IDE: variants seen among roughly 807,000 people sequenced by gnomAD.
The protein encoded by IDE is insulin-degrading enzyme.
IDE carries 58 observed loss-of-function variants against 133.2 expected under a neutral mutation model. The ratio of observed to expected loss-of-function variants is 0.44; its 90% confidence interval spans 0.35 to 0.54. The LOEUF is 0.54. Ranked by LOEUF, IDE falls within the 20% of genes least tolerant of loss-of-function variation. The pLI is 0.00. For missense variants in IDE, 981 were observed against 1,234.0 expected (o/e 0.79, Z 3.07); for synonymous variants, 396 against 421.3 (o/e 0.94, Z 0.73).
intron 21 of IDE, 106 bp downstream of exon 21, chr10:92,463,625 A>T (rs1286671659): frequency 1.9e-6 from 2 of 1,051,812 alleles, no homozygotes; most frequent in African/African-American, 1.6e-5. Flanking sequence ...CAACTCCCCA[A>T]ATAGGTAACG....
intron 11 of IDE, among the ~76,000 whole-genome samples, chr10:92,492,209 G>A (rs1055365147): frequency 6.6e-5 from 10 of 151,290 alleles, no homozygotes; most frequent in African/African-American, 2.2e-4. Context: ...GCAGTGAGCC[G>A]AGACTGCACC....
chr10:92,573,100 G>A (rs1843868228), intron 1 of IDE: 2 of 985,424 alleles, frequency 2.0e-6, no homozygotes, highest in Non-Finnish European at 2.4e-6. Flanking sequence ...AGATAATACT[G>A]CCTATCTTCT....
At chr10:92,506,854 A>G (rs1374482432) in intron 9 of IDE, among the ~76,000 whole-genome samples, 1 of 152,182 alleles carries the variant, frequency 6.6e-6, no homozygotes, top group Admixed American at 6.5e-5. Flanking sequence ...TGTGTGAAAG[A>G]ACCTTGTGAG....
At chr10:92,478,695 G>GT (rs1564608288) in intron 15 of IDE, 1 of 1,278,362 alleles carries the variant, frequency 7.8e-7, no homozygotes, top group South Asian at 1.3e-5. Context: ...CCTGAGAGGC[G>GT]TGCTGCATAT....
intron 1 of IDE, among the ~76,000 whole-genome samples, chr10:92,561,099 A>G (rs1161832171): frequency 2.0e-5 from 3 of 151,838 alleles, no homozygotes; most frequent in African/African-American, 7.2e-5. Flanking sequence ...TACTAAAAAA[A>G]TACAAACATT....
At chr10:92,569,378 GTGA>G (rs373110991) in intron 1 of IDE, among the ~76,000 whole-genome samples, 1 of 152,228 alleles carries the variant, frequency 6.6e-6, no homozygotes, top group African/African-American at 2.4e-5. Flanking sequence ...TTAATCTGAT[GTGA>G]TGATAAGAAT....
rs1848363475 is a variant in IDE, at chr10:92,507,585, T to A, written c.1235A>T (p.Gln412Leu). 1 of 1,595,454 alleles carries A rather than the reference T, an allele frequency of 6.3e-7. No homozygotes were observed. Among genetic ancestry groups the A allele is most frequent in the Non-Finnish European group, 8.6e-7 (1 of 1,163,066 alleles). ...RAEGPQEWVF[Q>L]ECKDLNAVAF... The stretch of plus-strand genomic sequence containing the variant: ...GTGAAACAAAAGTACCTTGCACTCT[T>A]GGAAAACCCATTCTTGAGGTCCTTC... The change falls in exon 9 of 25, where the codon CAA becomes CTA. Residue 412 changes from glutamine (Q) to leucine (L), a missense_variant. This residue lies in a region of IDE where 660 missense variants were observed against 894.7 expected (regional missense o/e 0.74). Transcript: ENST00000265986.
chr10:92,460,515 G>A (rs2135321519), intron 22 of IDE, among the ~76,000 whole-genome samples: 1 of 152,156 alleles, frequency 6.6e-6, no homozygotes, highest in Non-Finnish European at 1.5e-5. Flanking sequence ...TTAGAGCATG[G>A]GTCAATCTTT....
chr10:92,559,825 C>T (rs1048486049), intron 1 of IDE, among the ~76,000 whole-genome samples: 1 of 149,346 alleles, frequency 6.7e-6, no homozygotes, highest in Admixed American at 6.8e-5. Context: ...GCAGCTTTGA[C>T]TTCCCCGGCT....
chr10:92,509,921 C>CA (rs11324773), intron 6 of IDE, 129 bp downstream of exon 6: 91,848 of 333,558 alleles, frequency 0.28, 5,506 homozygotes, highest in East Asian at 0.37. Flanking sequence ...ACTCTGTTTC[C>CA]AAAAAAAAAA....
intron 9 of IDE, among the ~76,000 whole-genome samples, 167 bp from the exon 10 acceptor site, chr10:92,506,689 T>A (rs1016526480): frequency 2.6e-5 from 4 of 152,162 alleles, no homozygotes; most frequent in South Asian, 2.1e-4. Flanking sequence ...TAGAATATTT[T>A]AAAAATTTCT....
At chr10:92,510,712 T>C (rs1161099173) in intron 5 of IDE, among the ~76,000 whole-genome samples, 1 of 151,574 alleles carries the variant, frequency 6.6e-6, no homozygotes, top group African/African-American at 2.4e-5. Context: ...ATATATGATA[T>C]ATATCACATA....
intron 1 of IDE, among the ~76,000 whole-genome samples, chr10:92,551,874 G>T (rs149929653): frequency 5.5e-4 from 84 of 152,228 alleles, no homozygotes; most frequent in African/African-American, 2.0e-3. Flanking sequence ...AGTGGCTCAT[G>T]CTTGTTACCC....
At chr10:92,501,695 C>G (rs936453533) in intron 11 of IDE, among the ~76,000 whole-genome samples, 8 of 144,888 alleles carry the variant, frequency 5.5e-5, no homozygotes, top group Non-Finnish European at 1.2e-4. Context: ...AGAAAAAAGG[C>G]CGGGAACGGT....
chr10:92,465,701 G>A lies in IDE; in HGVS notation c.2463C>T (p.Asn821=), dbSNP rs777512890. 6.2e-7 allele frequency: 1 copy of A among 1,613,878 alleles called. No individual in the cohort carries two copies. The highest frequency in any genetic ancestry group is 2.2e-5 in the East Asian group (1 of 44,872). The change falls in exon 20 of 25, where the codon AAC becomes AAT. Residue 821 remains asparagine (N), a synonymous_variant. Transcript: ENST00000265986. ...FCQIISEPCF[N]TLRTKEQLGY... ...CCAACTGCTCCTTGGTGCGCAGGGT[G>A]TTGAAGCAAGGTTCCGAGATAATCT... is the stretch of plus-strand genomic sequence containing the variant.
rs1215163100 is a variant in IDE at position 92,453,944 on chromosome 10, G to A, written c.*500C>T. 2.0e-5 allele frequency: 3 copies of A among 152,308 alleles called. No homozygotes were observed. The allele number at this position is 152,308 out of a possible 1,614,324, so 9.4% of individuals were successfully genotyped here. ...CATTTCACTAATAAAAGATGACATT[G>A]CTTTATCATCTGCCAAATGTAATGT... On this transcript the variant is annotated 3_prime_UTR_variant, in exon 25 of 25. Transcript: ENST00000265986.
At chr10:92,503,718 A>AC (rs1848148754) in intron 11 of IDE, among the ~76,000 whole-genome samples, 1 of 150,000 alleles carries the variant, frequency 6.7e-6, no homozygotes, top group Admixed American at 6.6e-5. Context: ...TGTCAAAAAG[A>AC]CTTTTTTTTT....
At chr10:92,454,578 A>G (rs549995805) in intron 24 of IDE, 39 bp from the exon 25 acceptor site, 9 of 1,436,820 alleles carry the variant, frequency 6.3e-6, no homozygotes, top group South Asian at 1.1e-5. Context: ...TATTTAACCT[A>G]AACATCAGAA....
intron 17 of IDE, among the ~76,000 whole-genome samples, chr10:92,471,033 A>G (rs1438896754): frequency 3.3e-5 from 5 of 152,308 alleles, no homozygotes; most frequent in Non-Finnish European, 7.4e-5. Flanking sequence ...TTCCCTTTGT[A>G]ATTACTAAAT....
Sources: gnomAD v4.1 joint callset for allele counts (sites outside exome capture counted in the v4.1 genomes callset) on GRCh38, gnomAD v4.1.1 for gene constraint, gnomAD v4.1.1 regional missense constraint, MANE v1.5 for transcripts, NCBI Gene and HGNC (gene_info 2026-07-23, HGNC 2026-07-21) for gene names.